AJUBA: variants seen among roughly 807,000 people sequenced by gnomAD.
AJUBA encodes the protein ajuba LIM protein, also known as LIM domain-containing protein ajuba.
Under a neutral mutation model 53.3 loss-of-function variants are expected in AJUBA, and 20 were observed. The observed-to-expected ratio is 0.38, with a 90% CI of 0.26 to 0.55. The LOEUF is 0.55. Ranked by LOEUF, AJUBA falls within the 20% of genes least tolerant of loss-of-function variation. AJUBA has a pLI of 0.80. For synonymous variants in AJUBA, 296 were observed against 306.2 expected, an observed-to-expected ratio of 0.97 and a Z score of 0.35; for missense variants, 580 against 730.5, an observed-to-expected ratio of 0.79 and a Z score of 2.38.
intron 7 of AJUBA, among the ~76,000 whole-genome samples, chr14:22,973,808 C>T (rs969331406): frequency 2.6e-5 from 4 of 152,156 alleles, no homozygotes; most frequent in African/African-American, 9.7e-5. Flanking sequence ...GAAGTTTGAC[C>T]AGAGTCCCTA....
chr14:22,979,704 T>C lies in AJUBA; in HGVS notation c.1007-1259A>G, dbSNP rs1293502931. Among the ~76,000 whole-genome samples the C allele has an allele frequency of 2.6e-5, 4 of 152,214 alleles. No individual in the cohort carries two copies. Among genetic ancestry groups the C allele is most frequent in the Non-Finnish European group, 4.4e-5 (3 of 68,032 alleles). The stretch of plus-strand genomic sequence containing the variant: ...GTCGGAGCCATTCTTTAGGAAACCT[T>C]GGACGTTATGGGAAAAGCAAACGAA... On this transcript the variant is annotated intron_variant, in intron 1 of 7. Transcript: ENST00000262713. This position sits in a 1 kb window ranked among gnomAD's most constrained non-coding sequence, Gnocchi z 4.0.
chr14:22,977,005 T>G, intron 2 of AJUBA: 2 of 1,289,340 alleles, frequency 1.6e-6, no homozygotes, highest in Non-Finnish European at 2.0e-6. Flanking sequence ...CTCCAGTGCA[T>G]AGGAAGCCAC....
At position 22,982,513 on chromosome 14, in the gene AJUBA, T is replaced by C. The variant is rs565170397; in HGVS notation, c.-247A>G. ...AGGGTCTCTGGCCGCGGCTGTCCAG[T>C]CCGCAGGTCTATCTGTTCACGCGTC... On this transcript the variant is annotated 5_prime_UTR_variant, in exon 1 of 8. Coordinates refer to ENST00000262713, the MANE Select transcript of AJUBA (RefSeq NM_032876.6). The C allele has an allele frequency of 1.4e-6, 2 of 1,383,304 alleles. No homozygotes were observed. Among genetic ancestry groups the C allele is most frequent in the African/African-American group, 1.5e-5 (1 of 65,744 alleles). The allele number at this position is 1,383,304 out of a possible 1,614,324, so 85.7% of individuals were successfully genotyped here.
chr14:22,980,089 G>C (rs947710435), intron 1 of AJUBA, among the ~76,000 whole-genome samples: 10 of 151,970 alleles, frequency 6.6e-5, no homozygotes, highest in African/African-American at 2.4e-4. Context: ...CCCTGGCCGC[G>C]TTCCTCTTCC....
At chr14:22,978,766 G>A in intron 1 of AJUBA, 1 of 1,202,000 alleles carries the variant, frequency 8.3e-7, no homozygotes, top group South Asian at 1.6e-5. Context: ...GGGGAGAAAA[G>A]ACTACACAGG....
In AJUBA at chr14:22,973,789, G is replaced by A. The variant is rs74502235; in HGVS notation, c.1492-221C>T. On this transcript the variant is annotated intron_variant, in intron 7 of 7. Coordinates refer to ENST00000262713, the MANE Select transcript of AJUBA (RefSeq NM_032876.6). ...GCAGCAGAAATAATGACACAAGCCT[G>A]TCTTTCAAGAAGTTTGACCAGAGTC... is the stretch of plus-strand genomic sequence containing the variant. Among the ~76,000 whole-genome samples the A allele has an allele frequency of 7.1e-3, 1,086 of 152,282 alleles. 17 individuals carry two copies. Among genetic ancestry groups the A allele is most frequent in the African/African-American group, 0.025 (1,030 of 41,566 alleles).
rs1218319858 is a variant in AJUBA at position 22,978,504 on chromosome 14, C to G, written c.1007-59G>C. On this transcript the variant is annotated intron_variant, in intron 1 of 7. Transcript: ENST00000262713. ...CAGGTCAAAACCAGGGATTCCCAAG[C>G]TTTCCTGACTGCCCTTTCCTGATGT... 2.5e-6 allele frequency: 4 copies of G among 1,577,484 alleles called. No individual in the cohort carries two copies. In the African/African-American group the frequency reaches 5.4e-5, roughly 21 times the overall value.
rs773985579 is a variant in AJUBA, at chr14:22,978,470, C to G, written c.1007-25G>C. On this transcript the variant is annotated intron_variant, in intron 1 of 7. Transcript: ENST00000262713. ...CCTGAGAAGAGAAAAGTGTCACACT[C>G]TACTCCCCCAGGTCAAAACCAGGGA... The G allele has an allele frequency of 6.9e-6, 11 of 1,598,892 alleles. No individual in the cohort carries two copies. In the South Asian group the frequency reaches 9.9e-5, roughly 14 times the overall value.
intron 1 of AJUBA, among the ~76,000 whole-genome samples, chr14:22,980,921 G>A (rs766260482): frequency 1.1e-3 from 167 of 152,226 alleles, no homozygotes; most frequent in Non-Finnish European, 9.4e-4. Flanking sequence ...GCCGTGAAAG[G>A]GGGGAGCAAG....
chr14:22,974,900 A>G lies in AJUBA; in HGVS notation c.1371-10T>C. 6.2e-7 allele frequency: 1 copy of G among 1,613,890 alleles called. No individual in the cohort carries two copies. Among genetic ancestry groups the G allele is most frequent in the Non-Finnish European group, 8.5e-7 (1 of 1,179,924 alleles). On this transcript the variant is annotated splice_polypyrimidine_tract_variant and intron_variant, in intron 5 of 7. Transcript: ENST00000262713. ...CTTAGGAGCATAATTTCTGAAAGAG[A>G]GAGGGAAGAGATGAGCTGAGGCTGG...
chr14:22,973,868 C>T (rs943767678), intron 7 of AJUBA, among the ~76,000 whole-genome samples, 179 bp downstream of exon 7: 1 of 152,132 alleles, frequency 6.6e-6, no homozygotes, highest in Admixed American at 6.5e-5. Flanking sequence ...AAGGACTAAG[C>T]TACTTGGACC....
Position 22,979,045 on chromosome 14 carries a change from A to C in AJUBA, c.1007-600T>G. The C allele has an allele frequency of 7.8e-7, 1 of 1,288,832 alleles. No individual in the cohort carries two copies. Among genetic ancestry groups the C allele is most frequent in the Non-Finnish European group, 1.0e-6 (1 of 988,590 alleles). 79.8% of individuals were successfully genotyped at this position (1,288,832 alleles called of 1,614,324 possible). On this transcript the variant is annotated intron_variant, in intron 1 of 7. Coordinates refer to ENST00000262713, the MANE Select transcript of AJUBA (RefSeq NM_032876.6). The surrounding 1 kb of genome is among the most constrained non-coding windows in gnomAD (Gnocchi z 4.0). ...CCATGTGAGCATGATTCCTGTGGGG[A>C]GGTGGCTGCTGAGAATGCAGGGTGT...
chr14:22,980,964 G>A (rs2139357442), intron 1 of AJUBA, among the ~76,000 whole-genome samples: 1 of 152,198 alleles, frequency 6.6e-6, no homozygotes, highest in African/African-American at 2.4e-5. Flanking sequence ...GCCCCACTTG[G>A]TCCCTTCCCT....
In AJUBA at chr14:22,981,774, T is replaced by C. The variant is rs1594568473; in HGVS notation, c.493A>G (p.Ile165Val). The C allele has an allele frequency of 1.3e-6, 2 of 1,534,568 alleles. No individual in the cohort carries two copies. The highest frequency in any genetic ancestry group is 1.7e-6 in the Non-Finnish European group (2 of 1,146,282). The change falls in exon 1 of 8, where the codon ATC becomes GTC. Residue 165 changes from isoleucine (I) to valine (V), a missense_variant. Ile to Val is a conservative substitution (Grantham distance 29, BLOSUM62 3). Around this residue, in one of 2 missense-constraint regions of AJUBA, gnomAD observed 430 missense variants for 471.5 expected, o/e 0.91. Coordinates refer to ENST00000262713, the MANE Select transcript of AJUBA (RefSeq NM_032876.6). ...SRPCSNRTSG[I>V]SMGYDQRHGS... ...TGGCGCTGGTCGTAGCCCATGCTGA[T>C]GCCGCTGGTGCGATTGCTGCAGGGC...
At position 22,979,716 on chromosome 14, in the gene AJUBA, G is replaced by A. The variant is rs2045070118; in HGVS notation, c.1007-1271C>T. On this transcript the variant is annotated intron_variant, in intron 1 of 7. Transcript: ENST00000262713. This position sits in a 1 kb window ranked among gnomAD's most constrained non-coding sequence, Gnocchi z 4.0. ...CTTTAGGAAACCTTGGACGTTATGGGAAAAGCAAACGAAACTGCTCAGGCA... is the reference window on the plus strand; with the variant it reads ...CTTTAGGAAACCTTGGACGTTATGGAAAAAGCAAACGAAACTGCTCAGGCA... Among the ~76,000 whole-genome samples, 2 of 152,224 alleles carry A rather than the reference G, an allele frequency of 1.3e-5. No homozygotes were observed. Among genetic ancestry groups the A allele is most frequent in the African/African-American group, 2.4e-5 (1 of 41,456 alleles).
Position 22,976,723 on chromosome 14 carries a change from T to C in AJUBA, c.1109-11A>G, listed in dbSNP as rs2045040505. On this transcript the variant is annotated splice_polypyrimidine_tract_variant and intron_variant, in intron 2 of 7. Coordinates refer to ENST00000262713, the MANE Select transcript of AJUBA (RefSeq NM_032876.6). ...AACGCAAAGTTCGCCCTAGAAACAA[T>C]AGAGAAGGGGCTGGAACCTATCCCA... 6.2e-7 allele frequency: 1 copy of C among 1,613,580 alleles called. No individual in the cohort carries two copies.
At chr14:22,977,285 G>A in intron 2 of AJUBA, 13 of 882,188 alleles carry the variant, frequency 1.5e-5, no homozygotes, top group Non-Finnish European at 1.8e-5. Flanking sequence ...GTTTGTATAA[G>A]GCTGCTTCCC....
chr14:22,981,197 G>A, intron 1 of AJUBA, 64 bp downstream of exon 1: 1 of 1,512,562 alleles, frequency 6.6e-7, no homozygotes, highest in Non-Finnish European at 8.9e-7. Flanking sequence ...TGGGCCGTCG[G>A]GGCAGTGGAG....
intron 1 of AJUBA, among the ~76,000 whole-genome samples, chr14:22,980,433 A>C (rs2045075871): frequency 1.3e-5 from 2 of 152,156 alleles, no homozygotes; most frequent in African/African-American, 4.8e-5. Flanking sequence ...GAATTCTGAG[A>C]GGTTATAAGC....
Sources: allele counts gnomAD v4.1 joint callset (sites outside exome capture counted in the v4.1 genomes callset), GRCh38; gene constraint gnomAD v4.1.1; regional missense constraint gnomAD v4.1.1; non-coding constraint Gnocchi (gnomAD v3.1); transcripts MANE v1.5; gene names NCBI Gene and HGNC (gene_info 2026-07-23, HGNC 2026-07-21).